The following ZMYND19 variants were observed in gnomAD, a reference collection of about 807,000 sequenced individuals.
ZMYND19 encodes zinc finger MYND-type containing 19, also known as zinc finger MYND domain-containing protein 19.
In ZMYND19, 17 loss-of-function variants were observed where a neutral mutation model predicts 32.0. The observed-to-expected ratio is 0.53, with a 90% confidence interval of 0.36 to 0.80. The LOEUF (loss-of-function observed/expected upper bound fraction) is 0.80. Among genes scored for constraint, ZMYND19 ranks in the 30% least tolerant of loss-of-function variants. The pLI is 0.00. For missense variants in ZMYND19, 250 were observed against 293.6 expected (o/e 0.85, Z 1.09); for synonymous variants, 124 against 113.6 (o/e 1.09, Z -0.58).
At position 137,587,068 on chromosome 9, in the gene ZMYND19, C is replaced by T. The variant is rs764082943; in HGVS notation, c.258G>A (p.Val86=). Residue 86 remains valine, a synonymous_variant, in exon 4 of 6, where the codon GTG becomes GTA. Coordinates refer to ENST00000298585, the MANE Select transcript of ZMYND19 (RefSeq NM_138462.3). ...HRGGVAPGFQ[V]VHLNAVTVDN... is the part of the protein sequence containing the mutation. Reference sequence around the variant, plus strand: ...CCACGGTCACAGCGTTGAGGTGCACCACCTGGAAGCCCGGGGCCACGCCCC... The same window carrying T: ...CCACGGTCACAGCGTTGAGGTGCACTACCTGGAAGCCCGGGGCCACGCCCC... 6.2e-6 allele frequency: 10 copies of T among 1,609,712 alleles called. No homozygotes were observed. Among genetic ancestry groups the T allele is most frequent in the Middle Eastern group, 3.3e-4 (2 of 6,084 alleles).
At chr9:137,585,129 A>C (rs1842189870) in intron 4 of ZMYND19, among the ~76,000 whole-genome samples, 1 of 152,090 alleles carries the variant, frequency 6.6e-6, no homozygotes, top group Non-Finnish European at 1.5e-5. Context: ...GCTACTCAAG[A>C]GGCTGAAGCG....
At chr9:137,583,685 C>T (rs1292641625) in intron 4 of ZMYND19, among the ~76,000 whole-genome samples, 4 of 148,040 alleles carry the variant, frequency 2.7e-5, no homozygotes, top group Non-Finnish European at 4.5e-5. Context: ...TGCTGCATCA[C>T]GGAGTAAAGA....
intron 3 of ZMYND19, chr9:137,587,329 C>G: frequency 1.4e-6 from 1 of 736,348 alleles, no homozygotes; most frequent in Non-Finnish European, 2.2e-6. Context: ...CAGGGAGGAC[C>G]CGGCCCCTGG....
intron 4 of ZMYND19, among the ~76,000 whole-genome samples, chr9:137,586,242 T>C (rs1324277082): frequency 6.6e-6 from 1 of 151,706 alleles, no homozygotes; most frequent in Non-Finnish European, 1.5e-5. Context: ...CCCATCTGTG[T>C]GCACAGAAAA....
intron 3 of ZMYND19, 184 bp from the exon 4 acceptor site, chr9:137,587,291 G>C (rs1842216632): frequency 4.1e-6 from 4 of 978,294 alleles, no homozygotes; most frequent in Admixed American, 5.8e-5. Context: ...CCAAGCACCT[G>C]ATCTGTGGCC....
At chr9:137,582,928 G>C (rs1427501536) in intron 5 of ZMYND19, 55 bp downstream of exon 5, 1 of 1,595,152 alleles carries the variant, frequency 6.3e-7, no homozygotes, top group African/African-American at 1.3e-5. Context: ...CCCAAACCAA[G>C]GCTGGGCTAC....
intron 3 of ZMYND19, chr9:137,587,388 G>C: frequency 6.7e-6 from 4 of 599,658 alleles, no homozygotes; most frequent in South Asian, 6.3e-5. Context: ...CACCTAAGCA[G>C]ATGGCCTCGA....
At chr9:137,586,527 G>A (rs1250305348) in intron 4 of ZMYND19, among the ~76,000 whole-genome samples, 1 of 146,320 alleles carries the variant, frequency 6.8e-6, no homozygotes, top group Non-Finnish European at 1.5e-5. Flanking sequence ...GAATCCTGAG[G>A]TGAGAGAAGG....
At chr9:137,587,238 C>T in intron 3 of ZMYND19, 131 bp from the exon 4 acceptor site, 1 of 1,434,302 alleles carries the variant, frequency 7.0e-7, no homozygotes, top group Non-Finnish European at 9.3e-7. Flanking sequence ...GGCCCCTGGT[C>T]CTTTGGATGA....
chr9:137,584,910 CA>C (rs1357913540), intron 4 of ZMYND19, among the ~76,000 whole-genome samples: 1 of 152,178 alleles, frequency 6.6e-6, no homozygotes, highest in Non-Finnish European at 1.5e-5. Flanking sequence ...GTCAGGATAC[CA>C]AAATGTACCC....
At chr9:137,586,061 C>T (rs979654880) in intron 4 of ZMYND19, among the ~76,000 whole-genome samples, 2 of 152,252 alleles carry the variant, frequency 1.3e-5, no homozygotes, top group African/African-American at 4.8e-5. Context: ...AGTTCACAGA[C>T]TGGCTGGTTC....
chr9:137,589,437 T>C (rs1239625157), intron 1 of ZMYND19: 13 of 985,202 alleles, frequency 1.3e-5, no homozygotes, highest in Non-Finnish European at 1.3e-5. Context: ...GGCTCCTCTC[T>C]CCCACCAAAA....
At chr9:137,582,899 C>A in intron 5 of ZMYND19, 84 bp downstream of exon 5, 7 of 1,564,690 alleles carry the variant, frequency 4.5e-6, no homozygotes, top group Non-Finnish European at 6.1e-6. Context: ...GAATGGGACC[C>A]CGCGGTGGAG....
At position 137,582,663 on chromosome 9, in the gene ZMYND19, C is replaced by A. The variant is rs143753420; in HGVS notation, c.564G>T (p.Gly188=). 6 of 1,613,032 alleles carry A rather than the reference C, an allele frequency of 3.7e-6. No individual in the cohort carries two copies. The highest frequency in any genetic ancestry group is 5.1e-6 in the Non-Finnish European group (6 of 1,180,006). ...EKQLREFNIC[G]RCQVARYCGS... ...CGCAGTACCGGGCCACCTGGCAGCG[C>A]CCACAGATGTTGAACTCCCGGAGCT... The change falls in exon 6 of 6, where the codon GGG becomes GGT. Residue 188 remains glycine (G), a synonymous_variant. Coordinates refer to ENST00000298585, the MANE Select transcript of ZMYND19 (RefSeq NM_138462.3).
intron 2 of ZMYND19, among the ~76,000 whole-genome samples, chr9:137,588,198 A>C (rs1327249502): frequency 6.6e-6 from 1 of 152,234 alleles, no homozygotes; most frequent in Non-Finnish European, 1.5e-5. Flanking sequence ...GGCCAAGCTC[A>C]GCGGCAGGAA....
At chr9:137,588,454 C>G (rs1469629874) in intron 2 of ZMYND19, among the ~76,000 whole-genome samples, 3 of 92,990 alleles carry the variant, frequency 3.2e-5, no homozygotes, top group African/African-American at 1.2e-4. Flanking sequence ...ATGTGGGCCA[C>G]AGTGGGCTCC....
chr9:137,582,194 C>T lies in ZMYND19; in HGVS notation c.*349G>A, dbSNP rs1481981299. 3.1e-5 allele frequency: 6 copies of T among 195,950 alleles called. No individual in the cohort carries two copies. Among genetic ancestry groups the T allele is most frequent in the South Asian group, 1.2e-4 (1 of 8,442 alleles). 12.1% of individuals were successfully genotyped at this position (195,950 alleles called of 1,614,324 possible). The stretch of plus-strand genomic sequence containing the variant: ...TCGACAACAGGACAGTTTTTAGTCA[C>T]GTGGCCTGACCGTTTGCCATTTAAG... On this transcript the variant is annotated 3_prime_UTR_variant, in exon 6 of 6. Coordinates refer to ENST00000298585, the MANE Select transcript of ZMYND19 (RefSeq NM_138462.3).
intron 4 of ZMYND19, among the ~76,000 whole-genome samples, chr9:137,586,329 G>A (rs1238037877): frequency 6.6e-6 from 1 of 150,872 alleles, no homozygotes; most frequent in Non-Finnish European, 1.5e-5. Context: ...GAGCAGAGAA[G>A]GAAGGAATCC....
At chr9:137,584,330 T>TCAGAGAATGGGCATCCTGCCGTGCCCA (rs1480667524) in intron 4 of ZMYND19, among the ~76,000 whole-genome samples, 1 of 152,208 alleles carries the variant, frequency 6.6e-6, no homozygotes, top group Non-Finnish European at 1.5e-5. Context: ...TGCTGTGCCC[T>TCAGAGAATGGGCATCCTGCCGTGCCCA]CAGAGAATGG....
Sources: allele counts gnomAD v4.1 joint callset (sites outside exome capture counted in the v4.1 genomes callset), GRCh38; gene constraint gnomAD v4.1.1; transcripts MANE v1.5; gene names NCBI Gene and HGNC (gene_info 2026-07-23, HGNC 2026-07-21).